Variants in PTPRT observed in about 807,000 individuals in gnomAD.
The protein encoded by PTPRT is receptor-type tyrosine-protein phosphatase T.
In PTPRT, 56 loss-of-function variants were observed where a neutral mutation model predicts 176.8. That is an observed-to-expected ratio of 0.32 (90% confidence interval 0.26 to 0.40). The LOEUF is 0.40. Among genes scored for constraint, PTPRT ranks in the 10% least tolerant of loss-of-function variants. PTPRT has a pLI of 1.00. For synonymous variants in PTPRT, 783 were observed against 739.0 expected (o/e 1.06, Z -0.96); for missense variants, 1,540 against 1,908.2 (o/e 0.81, Z 3.60).
Position 42,530,737 on chromosome 20 carries a change from T to C in PTPRT, c.1154-58175A>G, listed in dbSNP as rs139645282. The stretch of plus-strand genomic sequence containing the variant: ...CCAGGCTGTCACTTGAGGAAAAAGG[T>C]AAAGGGAATAGAGCGGGGAGATTCA... On this transcript the variant is annotated intron_variant, in intron 7 of 30. Transcript: ENST00000373187. 4.6e-3 allele frequency among the ~76,000 whole-genome samples: 699 copies of C among 152,262 alleles called. 4 individuals carry two copies. The highest frequency in any genetic ancestry group is 0.016 in the African/African-American group (667 of 41,544).
chr20:42,987,935 C>T (rs1983694128), intron 1 of PTPRT, among the ~76,000 whole-genome samples: 1 of 152,172 alleles, frequency 6.6e-6, no homozygotes, highest in Non-Finnish European at 1.5e-5. Context: ...GGCCTCTTCA[C>T]AGGACAGCTT....
At chr20:42,909,542 C>T (rs569956312) in intron 1 of PTPRT, among the ~76,000 whole-genome samples, 3 of 152,328 alleles carry the variant, frequency 2.0e-5, no homozygotes, top group African/African-American at 7.2e-5. Flanking sequence ...GCTTAAGCTT[C>T]GTAGCTCCAC....
chr20:43,096,027 C>A lies in PTPRT; in HGVS notation c.88+93619G>T, dbSNP rs371410837. 3.5e-3 allele frequency among the ~76,000 whole-genome samples: 415 copies of A among 119,704 alleles called. 2 individuals carry two copies. The highest frequency in any genetic ancestry group is 0.014 in the East Asian group (53 of 3,862). 78.5% of individuals were successfully genotyped at this position (119,704 alleles called of 152,430 possible). On this transcript the variant is annotated intron_variant, in intron 1 of 30. Transcript: ENST00000373187. ...TCTCTCTTCCCCTCTCTCCCCACCTCTCTCCTCCCGCTTTCTCCCCTCCCA... is the reference window on the plus strand; with the variant it reads ...TCTCTCTTCCCCTCTCTCCCCACCTATCTCCTCCCGCTTTCTCCCCTCCCA...
At chr20:43,037,341 C>A (rs561923683) in intron 1 of PTPRT, among the ~76,000 whole-genome samples, 3 of 152,316 alleles carry the variant, frequency 2.0e-5, no homozygotes, top group Non-Finnish European at 2.9e-5. Flanking sequence ...ACATAAATAA[C>A]CGTTATTCTA....
intron 7 of PTPRT, among the ~76,000 whole-genome samples, chr20:42,559,340 G>C (rs1443947626): frequency 6.6e-6 from 1 of 152,104 alleles, no homozygotes; most frequent in Admixed American, 6.6e-5. Context: ...GGGAAGCAAG[G>C]CTAGATGGGG....
chr20:42,129,655 G>A (rs1988033702), intron 18 of PTPRT, among the ~76,000 whole-genome samples: 2 of 152,204 alleles, frequency 1.3e-5, no homozygotes, highest in African/African-American at 2.4e-5. Flanking sequence ...TCATTGTGCA[G>A]TCACTGCATC....
At chr20:42,705,469 T>G (rs2076039695) in intron 6 of PTPRT, among the ~76,000 whole-genome samples, 1 of 151,862 alleles carries the variant, frequency 6.6e-6, no homozygotes, top group South Asian at 2.1e-4. Context: ...TGGGGAGGAA[T>G]GTTACAAAGT....
intron 15 of PTPRT, among the ~76,000 whole-genome samples, chr20:42,217,426 G>C (rs55653344): frequency 0.048 from 3,031 of 62,804 alleles, 159 homozygotes; most frequent in African/African-American, 0.21. Flanking sequence ...CACACACACA[G>C]AACATTACGT....
intron 7 of PTPRT, among the ~76,000 whole-genome samples, chr20:42,563,927 G>A (rs1405976719): frequency 6.6e-6 from 1 of 152,190 alleles, no homozygotes; most frequent in African/African-American, 2.4e-5. Flanking sequence ...GGGTGGCTCT[G>A]CTTCACTTTG....
At chr20:42,607,387 G>C (rs571402215) in intron 7 of PTPRT, 60 of 152,304 alleles carry the variant, frequency 3.9e-4, no homozygotes, top group Non-Finnish European at 6.6e-4. Flanking sequence ...GGGAGGTGGA[G>C]GAAGAGATTC....
intron 1 of PTPRT, among the ~76,000 whole-genome samples, chr20:43,185,515 A>C (rs1362082345): frequency 1.3e-5 from 2 of 152,206 alleles, no homozygotes; most frequent in African/African-American, 4.8e-5. Flanking sequence ...AATATGCCTA[A>C]AAGTCAACAT....
chr20:42,102,403 T>G (rs1986030893), intron 25 of PTPRT, 106 bp from the exon 26 acceptor site: 1 of 1,214,568 alleles, frequency 8.2e-7, no homozygotes, highest in Non-Finnish European at 1.1e-6. Flanking sequence ...TTCCACCCTC[T>G]AAGCGCAGCC....
intron 1 of PTPRT, among the ~76,000 whole-genome samples, chr20:42,918,872 G>T (rs1226174510): frequency 6.6e-6 from 1 of 152,098 alleles, no homozygotes; most frequent in Non-Finnish European, 1.5e-5. Flanking sequence ...CTGAATCTGG[G>T]TGCCCTAAAC....
chr20:42,699,813 G>A (rs114331149), intron 6 of PTPRT, among the ~76,000 whole-genome samples: 2,883 of 152,182 alleles, frequency 0.019, 104 homozygotes, highest in African/African-American at 0.066. Flanking sequence ...ATTCTGAATC[G>A]ACAAAATTTT....
chr20:42,872,264 G>A (rs1209347752), intron 2 of PTPRT, among the ~76,000 whole-genome samples: 1 of 152,206 alleles, frequency 6.6e-6, no homozygotes, highest in African/African-American at 2.4e-5. Flanking sequence ...GGTCTTTTTA[G>A]AAAAGGGTAA....
intron 1 of PTPRT, among the ~76,000 whole-genome samples, chr20:42,929,184 A>G (rs1026836801): frequency 3.3e-5 from 5 of 152,264 alleles, no homozygotes; most frequent in African/African-American, 1.2e-4. Context: ...TGTGCCTTAC[A>G]TGCAAGGATA....
chr20:43,151,140 C>A (rs1305530049), intron 1 of PTPRT, among the ~76,000 whole-genome samples: 2 of 151,828 alleles, frequency 1.3e-5, no homozygotes, highest in African/African-American at 4.8e-5. Flanking sequence ...AACCCCATCT[C>A]TACTAAAAAT....
intron 16 of PTPRT, among the ~76,000 whole-genome samples, chr20:42,198,166 A>C: frequency 6.6e-6 from 1 of 152,328 alleles, no homozygotes; most frequent in East Asian, 1.9e-4. Context: ...GATCCATTAA[A>C]AACAAGCTGT....
intron 7 of PTPRT, among the ~76,000 whole-genome samples, chr20:42,532,930 T>G (rs2145548645): frequency 6.6e-6 from 1 of 152,250 alleles, no homozygotes; most frequent in East Asian, 1.9e-4. Flanking sequence ...CAGAGCTAGT[T>G]ATGCAAGTCG....
Sources: gnomAD v4.1 joint callset for allele counts (sites outside exome capture counted in the v4.1 genomes callset) on GRCh38, gnomAD v4.1.1 for gene constraint, MANE v1.5 for transcripts, NCBI Gene and HGNC (gene_info 2026-07-23, HGNC 2026-07-21) for gene names.